Variants in USH2A observed in about 807,000 individuals in gnomAD.
USH2A encodes usherin, also known as Usher syndrome 2A (autosomal recessive, mild).
In USH2A, 443 loss-of-function variants were observed where a neutral mutation model predicts 538.9. That is an observed-to-expected ratio of 0.82 (90% CI 0.76 to 0.89). The LOEUF (loss-of-function observed/expected upper bound fraction) is 0.89, where lower values mean the gene tolerates loss of function less well. Ranked by LOEUF, USH2A falls within the 40% of genes least tolerant of loss-of-function variation. The pLI is 0.00. For synonymous variants in USH2A, 2,413 were observed against 2,273.5 expected (o/e 1.06, Z -1.75); for missense variants, 6,633 against 6,324.8 (o/e 1.05, Z -1.65).
intron 4 of USH2A, among the ~76,000 whole-genome samples, chr1:216,364,608 G>A (rs1223654929): frequency 7.2e-5 from 11 of 152,144 alleles, no homozygotes; most frequent in Middle Eastern, 6.3e-3. Context: ...ATTCAGAGGA[G>A]AAGGCCACAT....
chr1:216,126,232 T>G (rs935068727), intron 21 of USH2A, among the ~76,000 whole-genome samples: 1 of 151,914 alleles, frequency 6.6e-6, no homozygotes, highest in African/African-American at 2.4e-5. Context: ...GTTTTGTTTT[T>G]GTTTTTTTTG....
At chr1:215,666,504 T>C (rs998749686) in intron 64 of USH2A, among the ~76,000 whole-genome samples, 9 of 152,318 alleles carry the variant, frequency 5.9e-5, no homozygotes, top group African/African-American at 2.2e-4. Flanking sequence ...CAGTTTAGGC[T>C]AGTGATTCTC....
intron 35 of USH2A, among the ~76,000 whole-genome samples, chr1:215,979,160 C>A (rs1327880747): frequency 6.6e-6 from 1 of 152,076 alleles, no homozygotes; most frequent in East Asian, 1.9e-4. Flanking sequence ...CAGGGAACTC[C>A]CCTTTATAAA....
At chr1:216,115,898 T>C (rs1351114283) in intron 21 of USH2A, among the ~76,000 whole-genome samples, 4 of 151,798 alleles carry the variant, frequency 2.6e-5, no homozygotes, top group Non-Finnish European at 5.9e-5. Context: ...AAGAGAAAAT[T>C]CAGCATGCAT....
intron 50 of USH2A, among the ~76,000 whole-genome samples, chr1:215,791,824 A>T (rs926009871): frequency 6.6e-6 from 1 of 152,182 alleles, no homozygotes; most frequent in African/African-American, 2.4e-5. Flanking sequence ...GTGTGTAGCT[A>T]TGTATGTATG....
Position 216,365,201 on chromosome 1 carries a change from G to C in USH2A, c.652-116C>G, listed in dbSNP as rs1359553740. On this transcript the variant is annotated intron_variant, in intron 3 of 71. Coordinates refer to ENST00000307340, the MANE Select transcript of USH2A (RefSeq NM_206933.4). ...TTTCTTCTTTACTTTGTTCAGCTGG[G>C]AAGACTGAAAACATTATTTTAATAG... The C allele has an allele frequency of 4.1e-6, 5 of 1,232,420 alleles. No homozygotes were observed. The East Asian group carries it at 1.0e-4, about 25-fold the overall frequency. The allele number at this position is 1,232,420 out of a possible 1,614,324, so 76.3% of individuals were successfully genotyped here. A position where few individuals can be genotyped will look rare whatever the true frequency, so the allele number is the denominator to read the frequency against.
In USH2A at chr1:215,844,371, G is replaced by T; in HGVS notation, c.9181C>A (p.Leu3061Ile). ...GGCACATTCATTCCAGTCTTGTAGA[G>T]CTTATTATTTACATAGATAGAATAC... ...TEYSIYVNNK[L>I]YKTGMNVPGS... Residue 3061 changes from leucine to isoleucine, a missense_variant, in exon 46 of 72, where the codon CTC becomes ATC. Transcript: ENST00000307340. 1.2e-6 allele frequency: 2 copies of T among 1,613,784 alleles called. No individual in the cohort carries two copies. The highest frequency in any genetic ancestry group is 1.7e-6 in the Non-Finnish European group (2 of 1,179,860).
chr1:216,120,373 AT>A (rs71161403), intron 21 of USH2A, among the ~76,000 whole-genome samples: 52,913 of 150,828 alleles, frequency 0.35, 10,184 homozygotes, highest in East Asian at 0.72. Context: ...CGTCTGTATT[AT>A]TTATGTATTT....
At chr1:215,626,013 A>G (rs1656011728) in intron 71 of USH2A, 143 bp from the exon 72 acceptor site, 1 of 768,818 alleles carries the variant, frequency 1.3e-6, no homozygotes, top group African/African-American at 1.8e-5. Context: ...GGTCTAAAAC[A>G]GACCTTGCCT....
At chr1:216,239,236 G>T (rs2035888062) in intron 13 of USH2A, among the ~76,000 whole-genome samples, 1 of 152,042 alleles carries the variant, frequency 6.6e-6, no homozygotes, top group African/African-American at 2.4e-5. Flanking sequence ...ACTATATCTT[G>T]TTTTGTTAAA....
intron 8 of USH2A, among the ~76,000 whole-genome samples, chr1:216,322,687 A>AT (rs1018672829): frequency 7.3e-5 from 11 of 150,292 alleles, no homozygotes; most frequent in Admixed American, 1.3e-4. Flanking sequence ...CAATTTTTTT[A>AT]TTTTTTTTTC....
intron 9 of USH2A, among the ~76,000 whole-genome samples, chr1:216,297,635 C>T (rs2037132870): frequency 6.6e-6 from 1 of 152,084 alleles, no homozygotes; most frequent in Non-Finnish European, 1.5e-5. Flanking sequence ...TGTCACTATG[C>T]TATATATAGT....
At chr1:215,774,406 G>T (rs1661395443) in intron 55 of USH2A, among the ~76,000 whole-genome samples, 1 of 151,212 alleles carries the variant, frequency 6.6e-6, no homozygotes, top group African/African-American at 2.4e-5. Flanking sequence ...ACCAAGGAAA[G>T]ACCCTTTTTC....
chr1:216,083,993 T>G (rs41507351), intron 25 of USH2A, among the ~76,000 whole-genome samples: 1,596 of 152,240 alleles, frequency 0.01, 28 homozygotes, highest in African/African-American at 0.037. Context: ...GAAGGCAGTT[T>G]AAGCAACTTA....
At chr1:215,930,428 G>A (rs1484742809) in intron 38 of USH2A, among the ~76,000 whole-genome samples, 3 of 151,852 alleles carry the variant, frequency 2.0e-5, no homozygotes, top group Non-Finnish European at 4.4e-5. Context: ...AAGTCTGGAG[G>A]CAAAATGCAG....
intron 38 of USH2A, among the ~76,000 whole-genome samples, chr1:215,927,068 CT>C (rs1286581758): frequency 6.6e-6 from 1 of 152,072 alleles, no homozygotes; most frequent in Non-Finnish European, 1.5e-5. Flanking sequence ...TTTTTTAAAC[CT>C]GTGATGTCAA....
At position 216,103,553 on chromosome 1, in the gene USH2A, A is replaced by T. The variant is rs181971371; in HGVS notation, c.4628-6340T>A. 4.6e-5 allele frequency among the ~76,000 whole-genome samples: 7 copies of T among 152,350 alleles called. No individual in the cohort carries two copies. The East Asian group carries it at 1.3e-3, about 29-fold the overall frequency. On this transcript the variant is annotated intron_variant, in intron 21 of 71. Transcript: ENST00000307340. ...TCAGCTGATGAAAATTTTGCCTTCC[A>T]AAATCCAAATCAAGAGAAGGAACCT...
intron 3 of USH2A, among the ~76,000 whole-genome samples, chr1:216,404,065 C>A (rs1227136256): frequency 6.6e-6 from 1 of 152,120 alleles, no homozygotes; most frequent in Non-Finnish European, 1.5e-5. Flanking sequence ...ATAAATTACC[C>A]AGTCTCTGGT....
At chr1:216,274,737 C>G (rs919069631) in intron 11 of USH2A, among the ~76,000 whole-genome samples, 1 of 152,032 alleles carries the variant, frequency 6.6e-6, no homozygotes, top group Non-Finnish European at 1.5e-5. Context: ...GTCAAAAATA[C>G]TCATTTGCAA....
Sources: allele counts gnomAD v4.1 joint callset (sites outside exome capture counted in the v4.1 genomes callset), GRCh38; gene constraint gnomAD v4.1.1; transcripts MANE v1.5; gene names NCBI Gene and HGNC (gene_info 2026-07-23, HGNC 2026-07-21).